Variants in APLF observed in about 807,000 individuals in gnomAD.
APLF encodes aprataxin and PNKP like factor.
APLF carries 61 observed loss-of-function variants against 55.6 expected under a neutral mutation model. The observed-to-expected ratio is 1.10, with a 90% CI of 0.89 to 1.36. The LOEUF is 1.36. Ranked by LOEUF, APLF falls within the 40% of genes most tolerant of loss-of-function variation. The pLI, the probability that APLF is intolerant of heterozygous loss-of-function variation, is 0.00. For missense variants in APLF, 611 were observed against 602.5 expected, an observed-to-expected ratio of 1.01 and a Z score of -0.15; for synonymous variants, 207 against 214.8, an observed-to-expected ratio of 0.96 and a Z score of 0.32.
chr2:68,533,966 A>G (rs1342147270), intron 6 of APLF, among the ~76,000 whole-genome samples: 2 of 152,222 alleles, frequency 1.3e-5, no homozygotes, highest in Non-Finnish European at 2.9e-5. Flanking sequence ...AAAGAACAAG[A>G]TAAAAGACTT....
chr2:68,519,139 T>A (rs982445696), intron 5 of APLF, among the ~76,000 whole-genome samples: 9 of 130,788 alleles, frequency 6.9e-5, no homozygotes, highest in Non-Finnish European at 1.4e-4. Flanking sequence ...ATTTGACATT[T>A]TATATATATA....
intron 2 of APLF, among the ~76,000 whole-genome samples, chr2:68,501,719 G>C (rs1676727845): frequency 1.3e-5 from 2 of 152,084 alleles, no homozygotes; most frequent in African/African-American, 2.4e-5. Flanking sequence ...ACTTTGATTT[G>C]AATGTGGATG....
Position 68,545,320 on chromosome 2 carries a change from A to C in APLF, c.1286+8A>C. 6.2e-7 allele frequency: 1 copy of C among 1,607,686 alleles called. No individual in the cohort carries two copies. Among genetic ancestry groups the C allele is most frequent in the South Asian group, 1.1e-5 (1 of 89,730 alleles). ...TGGACCATCCTGTTATAGGTATAGA[A>C]ACTGAATGTTTGGCTGCACTCCTTT... is the stretch of plus-strand genomic sequence containing the variant. On this transcript the variant is annotated splice_region_variant and intron_variant, in intron 8 of 9. Coordinates refer to ENST00000303795, the MANE Select transcript of APLF (RefSeq NM_173545.3).
intron 7 of APLF, among the ~76,000 whole-genome samples, chr2:68,542,841 A>T (rs533807376): frequency 6.6e-6 from 1 of 152,304 alleles, no homozygotes; most frequent in Non-Finnish European, 1.5e-5. Context: ...GCAGAATCTC[A>T]AAGAGTTCAT....
chr2:68,474,167 A>G (rs886402541), intron 1 of APLF, among the ~76,000 whole-genome samples: 4 of 152,194 alleles, frequency 2.6e-5, no homozygotes, highest in African/African-American at 9.7e-5. Context: ...TGCTCTCACC[A>G]AGTGTGCCAC....
intron 1 of APLF, among the ~76,000 whole-genome samples, chr2:68,489,580 A>T (rs1213830558): frequency 6.6e-6 from 1 of 152,222 alleles, no homozygotes; most frequent in Admixed American, 6.5e-5. Context: ...AAGCAAATAG[A>T]TATTTTTAAA....
At chr2:68,531,388 CTG>C (rs1292140174) in intron 6 of APLF, 1 of 152,214 alleles carries the variant, frequency 6.6e-6, no homozygotes, top group Non-Finnish European at 1.5e-5. Flanking sequence ...TCATGGAAGA[CTG>C]TGCACCGAAA....
intron 7 of APLF, among the ~76,000 whole-genome samples, chr2:68,542,060 A>G (rs1320990430): frequency 6.6e-6 from 1 of 152,184 alleles, no homozygotes; most frequent in East Asian, 1.9e-4. Flanking sequence ...TTTTTTCAAT[A>G]AAGAGTGCTC....
intron 5 of APLF, among the ~76,000 whole-genome samples, chr2:68,516,460 G>C (rs1354015160): frequency 6.6e-6 from 1 of 150,708 alleles, no homozygotes; most frequent in Middle Eastern, 3.2e-3. Context: ...TATTTCAACA[G>C]GTTTTTGTGA....
intron 9 of APLF, among the ~76,000 whole-genome samples, chr2:68,570,294 A>G (rs190801719): frequency 1.0e-3 from 150 of 150,158 alleles, no homozygotes; most frequent in Middle Eastern, 6.9e-3. Flanking sequence ...TTTAATATAT[A>G]TATATATTTT....
intron 5 of APLF, among the ~76,000 whole-genome samples, chr2:68,520,365 G>T (rs1038439539): frequency 1.3e-5 from 2 of 151,730 alleles, no homozygotes; most frequent in Non-Finnish European, 2.9e-5. Flanking sequence ...TTGCTTTTGG[G>T]TTCTTGGTCA....
chr2:68,566,564 C>A (rs1203359192), intron 8 of APLF, among the ~76,000 whole-genome samples: 1 of 152,078 alleles, frequency 6.6e-6, no homozygotes. Context: ...AAAGTTGTCA[C>A]CTCAGCACAT....
At chr2:68,479,795 C>T (rs1675893395) in intron 1 of APLF, among the ~76,000 whole-genome samples, 1 of 152,128 alleles carries the variant, frequency 6.6e-6, no homozygotes, top group South Asian at 2.1e-4. Context: ...GCCTTTCTTG[C>T]CTTCCCTTCT....
At chr2:68,549,713 C>A (rs1022615086) in intron 8 of APLF, among the ~76,000 whole-genome samples, 21 of 151,948 alleles carry the variant, frequency 1.4e-4, no homozygotes, top group African/African-American at 5.1e-4. Context: ...GATTTTTTTC[C>A]TGTGGTGGTT....
At position 68,494,900 on chromosome 2, in the gene APLF, T is replaced by C. The variant is rs372104528; in HGVS notation, c.168+4639T>C. ...TACCCCATTTTCTTTTTCCAGTCTA[T>C]CATTGATGGGCATTTAGGTTGACTC... On this transcript the variant is annotated intron_variant, in intron 2 of 9. Coordinates refer to ENST00000303795, the MANE Select transcript of APLF (RefSeq NM_173545.3). Among the ~76,000 whole-genome samples, 342 of 152,260 alleles carry C rather than the reference T, an allele frequency of 2.2e-3. 2 individuals carry two copies. The highest frequency in any genetic ancestry group is 7.8e-3 in the African/African-American group (325 of 41,534).
intron 9 of APLF, among the ~76,000 whole-genome samples, chr2:68,570,553 T>C (rs1361976072): frequency 6.6e-6 from 1 of 152,056 alleles, no homozygotes; most frequent in Non-Finnish European, 1.5e-5. Flanking sequence ...GTTTGGTTTT[T>C]TGTCCTTGCG....
chr2:68,535,220 A>G, intron 6 of APLF: 2 of 371,040 alleles, frequency 5.4e-6, no homozygotes, highest in South Asian at 2.1e-5. Context: ...ATATGATACT[A>G]TGGATTTTGT....
intron 9 of APLF, among the ~76,000 whole-genome samples, chr2:68,568,835 T>TA (rs1167592458): frequency 6.6e-6 from 1 of 152,126 alleles, no homozygotes; most frequent in African/African-American, 2.4e-5. Context: ...AAAGCATTTT[T>TA]AATAGAAGTA....
chr2:68,556,436 C>T (rs1671013462), intron 8 of APLF, among the ~76,000 whole-genome samples: 1 of 152,182 alleles, frequency 6.6e-6, no homozygotes, highest in Non-Finnish European at 1.5e-5. Flanking sequence ...TATCAGAAGA[C>T]TCACTCAGTT....
Sources: allele counts gnomAD v4.1 joint callset (sites outside exome capture counted in the v4.1 genomes callset), GRCh38; gene constraint gnomAD v4.1.1; transcripts MANE v1.5; gene names NCBI Gene and HGNC (gene_info 2026-07-23, HGNC 2026-07-21).